TTLL3: variants seen among roughly 807,000 people sequenced by gnomAD.
The protein encoded by TTLL3 is tubulin monoglycylase TTLL3.
TTLL3 carries 63 observed loss-of-function variants against 75.2 expected under a neutral mutation model. That is an observed-to-expected ratio of 0.84 (90% confidence interval 0.68 to 1.03). The LOEUF (loss-of-function observed/expected upper bound fraction) is 1.03. Ranked by LOEUF, TTLL3 falls within the 50% of genes least tolerant of loss-of-function variation. The probability of loss-of-function intolerance (pLI) is 0.00; values close to 1 mark genes in which losing one functional copy is unlikely to be tolerated. For synonymous variants in TTLL3, 393 were observed against 418.5 expected, an observed-to-expected ratio of 0.94 and a Z score of 0.74; for missense variants, 997 against 1,069.9, an observed-to-expected ratio of 0.93 and a Z score of 0.95.
chr3:9,817,405 C>G, intron 5 of TTLL3: 1 of 977,744 alleles, frequency 1.0e-6, no homozygotes, highest in Non-Finnish European at 1.2e-6. Context: ...GCCTGGGTGA[C>G]AGAGTGAGAC....
At chr3:9,816,502 C>T (rs2079872695) in intron 5 of TTLL3, among the ~76,000 whole-genome samples, 2 of 135,778 alleles carry the variant, frequency 1.5e-5, no homozygotes, top group African/African-American at 2.7e-5. Context: ...CTAATGGACC[C>T]ATTCTGTCTT....
At position 9,820,644 on chromosome 3, in the gene TTLL3, T is replaced by A; in HGVS notation, c.757T>A (p.Leu253Met). 1.9e-6 allele frequency: 3 copies of A among 1,614,122 alleles called. No homozygotes were observed. The highest frequency in any genetic ancestry group is 2.5e-6 in the Non-Finnish European group (3 of 1,179,988). ...LCACEEYLSN[L>M]AHMDIDKDLE... ...TGCGTGCGAGGAGTACCTTAGCAAC[T>A]TGGCCCACATGGACATCGACAAGGA... The change falls in exon 8 of 14, where the codon TTG (leucine) becomes ATG (methionine). Residue 253 changes from leucine (L) to methionine (M), a missense_variant. Leu to Met is a conservative substitution (Grantham distance 15). Transcript: ENST00000685419.
chr3:9,827,451 G>A (rs2081150507), intron 10 of TTLL3: 2 of 811,368 alleles, frequency 2.5e-6, no homozygotes, highest in Admixed American at 6.2e-5. Flanking sequence ...TACCTAGGCT[G>A]GAGTGCAGTG....
rs900453734 is a variant in TTLL3 at position 9,810,281 on chromosome 3, G to A, written c.-155G>A. On this transcript the variant is annotated 5_prime_UTR_variant, in exon 1 of 14. Coordinates refer to ENST00000685419, the MANE Select transcript of TTLL3 (RefSeq NM_001387446.1). This position sits in a 1 kb window ranked among gnomAD's most constrained non-coding sequence, Gnocchi z 4.4. ...GCGGGCAGCCCCGCCCCTGCGCGCC[G>A]CCTCAGCGGCGCCTTCAAGACGCTG... The A allele has an allele frequency of 4.0e-6, 6 of 1,502,760 alleles. No individual in the cohort carries two copies. The highest frequency in any genetic ancestry group is 2.7e-5 in the East Asian group (1 of 37,200). The allele number at this position is 1,502,760 out of a possible 1,614,324, so 93.1% of individuals were successfully genotyped here. A position where few individuals can be genotyped will look rare whatever the true frequency, so the allele number is the denominator to read the frequency against.
intron 11 of TTLL3, among the ~76,000 whole-genome samples, chr3:9,831,427 G>T (rs1022927142): frequency 3.9e-5 from 6 of 152,288 alleles, no homozygotes; most frequent in African/African-American, 1.4e-4. Flanking sequence ...GTGATGCCGC[G>T]TACCTCATGT....
chr3:9,827,309 T>C, intron 10 of TTLL3, 69 bp downstream of exon 10: 1 of 1,587,896 alleles, frequency 6.3e-7, no homozygotes, highest in Non-Finnish European at 8.6e-7. Flanking sequence ...AACAGGCGAT[T>C]ACAGTGCAGG....
intron 9 of TTLL3, 54 bp downstream of exon 9, chr3:9,826,002 G>A (rs2081003379): frequency 1.9e-6 from 3 of 1,591,884 alleles, no homozygotes. Context: ...GCATCTACCA[G>A]TAGAGGCCAA....
chr3:9,818,685 C>G (rs758074685), intron 6 of TTLL3, 137 bp from the exon 7 acceptor site: 2 of 1,536,538 alleles, frequency 1.3e-6, no homozygotes, highest in Non-Finnish European at 1.7e-6. Context: ...GGAGCAAGTT[C>G]TAAACTCAGG....
At chr3:9,832,962 C>A (rs2081704793) in intron 11 of TTLL3, 142 bp from the exon 12 acceptor site, 2 of 986,312 alleles carry the variant, frequency 2.0e-6, no homozygotes, top group Non-Finnish European at 1.5e-6. Flanking sequence ...CAGAGGTGGG[C>A]TTTCCATTTC....
At chr3:9,815,696 G>A (rs567093812) in intron 4 of TTLL3, among the ~76,000 whole-genome samples, 1 of 152,380 alleles carries the variant, frequency 6.6e-6, no homozygotes, top group Non-Finnish European at 1.5e-5. Context: ...ATCTCCATAG[G>A]TGGGTCTATG....
At chr3:9,823,402 GTTTTT>G (rs60013146) in intron 8 of TTLL3, among the ~76,000 whole-genome samples, 1 of 124,996 alleles carries the variant, frequency 8.0e-6, no homozygotes, top group Non-Finnish European at 1.6e-5. Flanking sequence ...CAAACAGCCA[GTTTTT>G]TTTTTTTTTT....
At position 9,829,215 on chromosome 3, in the gene TTLL3, G is replaced by A. The variant is rs746640484; in HGVS notation, c.1503G>A (p.Val501=). 6.2e-7 allele frequency: 1 copy of A among 1,614,220 alleles called. No individual in the cohort carries two copies. The part of the protein sequence containing the change: ...ASFELYGADF[V]FGEDFQPWLI... ...TTGAGCTCTATGGCGCTGACTTCGTGTTCGGGGAGGACTTCCAGCCCTGGC... is the reference window on the plus strand; with the variant it reads ...TTGAGCTCTATGGCGCTGACTTCGTATTCGGGGAGGACTTCCAGCCCTGGC... Residue 501 remains valine, a synonymous_variant, in exon 11 of 14, where the codon GTG becomes GTA. Transcript: ENST00000685419.
At chr3:9,833,377 G>C (rs550138328) in intron 12 of TTLL3, 132 bp downstream of exon 12, 1 of 1,402,274 alleles carries the variant, frequency 7.1e-7, no homozygotes, top group Non-Finnish European at 9.6e-7. Context: ...GAAAGGCAAG[G>C]CGAAAAGGGC....
chr3:9,812,737 G>A, intron 2 of TTLL3: 1 of 505,068 alleles, frequency 2.0e-6, no homozygotes, highest in Non-Finnish European at 3.1e-6. Context: ...CATGTAGTAG[G>A]TCCTCAATAA....
Position 9,823,717 on chromosome 3 carries a change from G to A in TTLL3, c.855-2083G>A, listed in dbSNP as rs559594545. 2.6e-5 allele frequency among the ~76,000 whole-genome samples: 4 copies of A among 152,208 alleles called. No individual in the cohort carries two copies. The East Asian group carries it at 5.8e-4, about 22-fold the overall frequency. On this transcript the variant is annotated intron_variant, in intron 8 of 13. Transcript: ENST00000685419. ...TCCCTGTTCCTGGCACTGCCCCAGT[G>A]GCTGCTGCCTCCTCCTTAAAAAAGA... is the stretch of plus-strand genomic sequence containing the variant.
At chr3:9,826,306 G>A (rs1306047301) in intron 9 of TTLL3, among the ~76,000 whole-genome samples, 2 of 152,224 alleles carry the variant, frequency 1.3e-5, no homozygotes, top group African/African-American at 4.8e-5. Flanking sequence ...GGTCCTGGAA[G>A]CAGCAGTTGG....
At chr3:9,831,545 C>G (rs1324173288) in intron 11 of TTLL3, among the ~76,000 whole-genome samples, 1 of 152,182 alleles carries the variant, frequency 6.6e-6, no homozygotes, top group Non-Finnish European at 1.5e-5. Flanking sequence ...AGCTACATCT[C>G]CCCTTTGCAA....
Position 9,834,895 on chromosome 3 carries a change from G to T in TTLL3, c.2040G>T (p.Leu680=). 1 of 1,614,212 alleles carries T rather than the reference G, an allele frequency of 6.2e-7. No homozygotes were observed. Among genetic ancestry groups the T allele is most frequent in the Non-Finnish European group, 8.5e-7 (1 of 1,180,046 alleles). Residue 680 remains leucine (L), a synonymous_variant, in exon 13 of 14, where the codon CTG becomes CTT. Transcript: ENST00000685419. ...ATTTCAAGGTGGCACCCAGCATCCT[G>T]AAGCCAAGAAAGGTGGGCCTCGACC... The part of the protein sequence containing the change: ...NLDFKVAPSI[L]KPRKAPALLC...
chr3:9,817,924 C>T (rs1347927916), intron 6 of TTLL3, 165 bp downstream of exon 6: 3 of 864,230 alleles, frequency 3.5e-6, no homozygotes, highest in Admixed American at 2.9e-5. Flanking sequence ...ATGTGCCCTC[C>T]CTTAATAAGC....
Sources: gnomAD v4.1 joint callset for allele counts (sites outside exome capture counted in the v4.1 genomes callset) on GRCh38, gnomAD v4.1.1 for gene constraint, Gnocchi (gnomAD v3.1) non-coding constraint, MANE v1.5 for transcripts, NCBI Gene and HGNC (gene_info 2026-07-23, HGNC 2026-07-21) for gene names.